The following MUC3A variants were observed in gnomAD, a reference collection of about 807,000 sequenced individuals.
MUC3A encodes mucin-3A.
A neutral mutation model predicts 109.0 loss-of-function variants in MUC3A; 109 were observed. The observed-to-expected ratio is 1.00, with a 90% CI of 0.86 to 1.17. The LOEUF (loss-of-function observed/expected upper bound fraction) is 1.17. Among genes scored for constraint, MUC3A ranks in the 50% most tolerant of loss-of-function variants. MUC3A has a pLI of 0.00. For synonymous variants in MUC3A, 1,398 were observed against 981.4 expected (o/e 1.42, Z -7.93); for missense variants, 3,537 against 2,469.4 (o/e 1.43, Z -9.16).
rs186637471 is a variant in MUC3A, at chr7:100,963,205, C to T, written c.9107C>T (p.Pro3036Leu). ...MEVSVDQQFS[P>L]DLNDNTSQAY... ...GTGTCTGTGGATCAGCAGTTCTCGC[C>T]GGACCTCAATGACAACACTTCCCAG... Residue 3036 changes from proline (P) to leucine (L), a missense_variant, in exon 4 of 12, where the codon CCG becomes CTG. By Grantham distance (98) the Pro-to-Leu change is moderately conservative. Transcript: ENST00000379458. 7.1e-3 allele frequency: 11,315 copies of T among 1,588,306 alleles called. No homozygotes were observed. The highest frequency in any genetic ancestry group is 8.5e-3 in the Non-Finnish European group (9,937 of 1,171,102).
In MUC3A at chr7:100,955,582, G is replaced by A. The variant is rs1792076246; in HGVS notation, c.3803G>A (p.Ser1268Asn). 4.0e-6 allele frequency: 2 copies of A among 504,694 alleles called. No homozygotes were observed. Among genetic ancestry groups the A allele is most frequent in the African/African-American group, 2.0e-5 (1 of 50,870 alleles). 31.3% of individuals were successfully genotyped at this position (504,694 alleles called of 1,614,324 possible). ...CCCAGTTTGAGACCAACTATCACAAGTACTGACAGCACTCTAACAAGTTCC... is the reference window on the plus strand; with the variant it reads ...CCCAGTTTGAGACCAACTATCACAAATACTGACAGCACTCTAACAAGTTCC... ...TTPSLRPTIT[S>N]TDSTLTSSLL... Residue 1268 changes from serine (S) to asparagine (N), a missense_variant, in exon 2 of 12, where the codon AGT (serine) becomes AAT (asparagine). Transcript: ENST00000379458.
Position 100,960,500 on chromosome 7 carries a change from C to A in MUC3A, c.8721C>A (p.Ser2907Arg). ...TCCCGACCATCCTGAGGACTTCAAG[C>A]AAGTCAACACACCCCTCCCCACCCA... ...SSLPTILRTS[S>R]KSTHPSPPTT... is the part of the protein sequence containing the mutation. Residue 2907 changes from serine to arginine, a missense_variant, in exon 2 of 12, where the codon AGC (serine) becomes AGA (arginine). Coordinates refer to ENST00000379458, the MANE Select transcript of MUC3A (RefSeq NM_005960.2). 18 of 1,598,702 alleles carry A rather than the reference C, an allele frequency of 1.1e-5. No homozygotes were observed. The highest frequency in any genetic ancestry group is 1.4e-5 in the Non-Finnish European group (17 of 1,179,822).
At chr7:100,961,057 C>T (rs1792311004) in intron 3 of MUC3A, 120 bp downstream of exon 3, 7 of 1,551,092 alleles carry the variant, frequency 4.5e-6, no homozygotes, top group East Asian at 2.3e-5. Context: ...TCCTTCCCTC[C>T]CTGCCATCTC....
rs1176349678 is a variant in MUC3A, at chr7:100,957,063, C to T, written c.5284C>T (p.Pro1762Ser). 2.1e-6 allele frequency: 1 copy of T among 469,324 alleles called. No individual in the cohort carries two copies. Among genetic ancestry groups the T allele is most frequent in the Non-Finnish European group, 3.7e-6 (1 of 267,000 alleles). 29.1% of individuals were successfully genotyped at this position (469,324 alleles called of 1,614,324 possible). A position where few individuals can be genotyped will look rare whatever the true frequency, so the allele number is the denominator to read the frequency against. Residue 1762 changes from proline to serine, a missense_variant, in exon 2 of 12, where the codon CCC (proline) becomes TCC (serine). Coordinates refer to ENST00000379458, the MANE Select transcript of MUC3A (RefSeq NM_005960.2). ...CAAAACAGCCGTGAGTTCTACTCCCCCCATCACTTCTTCAATCACCTCCAC... is the reference window on the plus strand; with the variant it reads ...CAAAACAGCCGTGAGTTCTACTCCCTCCATCACTTCTTCAATCACCTCCAC... ...SFKTAVSSTP[P>S]ITSSITSTYT...
intron 3 of MUC3A, among the ~76,000 whole-genome samples, chr7:100,961,242 A>G (rs1444539368): frequency 1.3e-5 from 2 of 152,422 alleles, no homozygotes; most frequent in East Asian, 3.9e-4. Context: ...ACAACACGAC[A>G]TTATCATGTT....
chr7:100,966,067 TGTC>T, intron 8 of MUC3A: 1 of 655,918 alleles, frequency 1.5e-6, no homozygotes, highest in South Asian at 2.8e-5. Context: ...GGTTGAGTCC[TGTC>T]CCCTAATTCT....
At position 100,959,525 on chromosome 7, in the gene MUC3A, T is replaced by C. The variant is rs747674451; in HGVS notation, c.7746T>C (p.Pro2582=). The change falls in exon 2 of 12, where the codon CCT becomes CCC. Residue 2582 remains proline (P), a synonymous_variant. Transcript: ENST00000379458. The part of the protein sequence containing the change: ...VIPETPTQTP[P]VLTSATGTQT... ...CTGAAACCCCAACACAGACCCCTCC[T>C]GTACTGACGTCAGCCACTGGGACCC... 1.3e-6 allele frequency: 2 copies of C among 1,590,710 alleles called. No individual in the cohort carries two copies. Among genetic ancestry groups the C allele is most frequent in the South Asian group, 2.2e-5 (2 of 89,196 alleles).
chr7:100,963,286 G>GTT lies in MUC3A; in HGVS notation c.9168+20_9168+21insTT. The GTT allele has an allele frequency of 1.3e-6, 2 of 1,494,772 alleles. No individual in the cohort carries two copies. Among genetic ancestry groups the GTT allele is most frequent in the Non-Finnish European group, 1.8e-6 (2 of 1,120,412 alleles). 92.6% of individuals were successfully genotyped at this position (1,494,772 alleles called of 1,614,324 possible). A position where few individuals can be genotyped will look rare whatever the true frequency, so the allele number is the denominator to read the frequency against. On this transcript the variant is annotated intron_variant, in intron 4 of 11. Transcript: ENST00000379458. ...AATCAGGTAAAGGGCAAAGAGAGGG[G>GTT]ATTTTTTTTTTTTTTTTGAGGTGTA... is the stretch of plus-strand genomic sequence containing the variant.
rs1481350245 is a variant in MUC3A at position 100,957,426 on chromosome 7, G to A, written c.5647G>A (p.Val1883Ile). 1 of 787,138 alleles carries A rather than the reference G, an allele frequency of 1.3e-6. No homozygotes were observed. Among genetic ancestry groups the A allele is most frequent in the East Asian group, 3.2e-5 (1 of 31,328 alleles). The allele number at this position is 787,138 out of a possible 1,614,324, so 48.8% of individuals were successfully genotyped here. A position where few individuals can be genotyped will look rare whatever the true frequency, so the allele number is the denominator to read the frequency against. The change falls in exon 2 of 12, where the codon GTA becomes ATA. Residue 1883 changes from valine to isoleucine, a missense_variant. Coordinates refer to ENST00000379458, the MANE Select transcript of MUC3A (RefSeq NM_005960.2). ...CACCTCTTCCTCTCTCCTCACCACA[G>A]TAACAGCCACAGTTCCAACAACAAA... is the stretch of plus-strand genomic sequence containing the variant. ...RPTSSSLLTT[V>I]TATVPTTNLV... is the part of the protein sequence containing the mutation.
Position 100,958,914 on chromosome 7 carries a change from A to T in MUC3A, c.7135A>T (p.Ile2379Phe), listed in dbSNP as rs747408530. Residue 2379 changes from isoleucine to phenylalanine, a missense_variant, in exon 2 of 12, where the codon ATC becomes TTC. Coordinates refer to ENST00000379458, the MANE Select transcript of MUC3A (RefSeq NM_005960.2). ...SHSTPSFSSS[I>F]TTTETPLHST... ...CAGTACTCCCAGCTTCAGTTCTTCA[A>T]TCACCACCACTGAGACCCCCTTACA... is the stretch of plus-strand genomic sequence containing the variant. 6.3e-7 allele frequency: 1 copy of T among 1,594,130 alleles called. No individual in the cohort carries two copies. The highest frequency in any genetic ancestry group is 8.5e-7 in the Non-Finnish European group (1 of 1,177,336).
intron 10 of MUC3A, 43 bp downstream of exon 10, chr7:100,966,786 G>A: frequency 6.3e-7 from 1 of 1,598,464 alleles, no homozygotes; most frequent in South Asian, 1.1e-5. Flanking sequence ...GCTTTCCTGG[G>A]CACCACTGCG....
intron 4 of MUC3A, 148 bp from the exon 5 acceptor site, chr7:100,963,540 C>T (rs1584810247): frequency 8.0e-7 from 1 of 1,249,168 alleles, no homozygotes; most frequent in South Asian, 1.3e-5. Context: ...CTGCCTCGTC[C>T]TCCCAAAGTG....
At chr7:100,966,768 A>C (rs1792585508) in intron 10 of MUC3A, 25 bp downstream of exon 10, 1 of 1,598,540 alleles carries the variant, frequency 6.3e-7, no homozygotes. Context: ...CTGGGGAAGC[A>C]GGCAGAGGCT....
chr7:100,963,738 G>C lies in MUC3A; in HGVS notation c.9219G>C (p.Glu3073Asp). 6.3e-7 allele frequency: 1 copy of C among 1,598,560 alleles called. No homozygotes were observed. Among genetic ancestry groups the C allele is most frequent in the Non-Finnish European group, 8.5e-7 (1 of 1,179,830 alleles). Residue 3073 changes from glutamate to aspartate, a missense_variant, in exon 5 of 12, where the codon GAG becomes GAC. Transcript: ENST00000379458. ...AGGGCTTCACCTTCAAGGGTGTGGA[G>C]ATCCTGTCCCTGAGGTAGGAGACCC... is the stretch of plus-strand genomic sequence containing the variant. ...DMQGFTFKGV[E>D]ILSLRNGSIV...
chr7:100,957,646 C>T lies in MUC3A; in HGVS notation c.5867C>T (p.Pro1956Leu). Residue 1956 changes from proline (P) to leucine (L), a missense_variant, in exon 2 of 12, where the codon CCC (proline) becomes CTC (leucine). By Grantham distance (98) the Pro-to-Leu change is moderately conservative. Coordinates refer to ENST00000379458, the MANE Select transcript of MUC3A (RefSeq NM_005960.2). ...ACCAAGACCACCTCACACAGCTCTC[C>T]CAGCTTCACTTCTTCGATCACCACC... ...TNTKTTSHSS[P>L]SFTSSITTTE... The T allele has an allele frequency of 6.3e-7, 1 of 1,583,338 alleles. No homozygotes were observed. The highest frequency in any genetic ancestry group is 8.6e-7 in the Non-Finnish European group (1 of 1,166,722).
At position 100,959,824 on chromosome 7, in the gene MUC3A, G is replaced by A. The variant is rs776284550; in HGVS notation, c.8045G>A (p.Trp2682Ter). 5.7e-6 allele frequency: 9 copies of A among 1,582,602 alleles called. No individual in the cohort carries two copies. In the South Asian group the frequency reaches 8.1e-5, roughly 14 times the overall value. The change falls in exon 2 of 12, where the codon TGG (tryptophan) becomes TAG (stop). Residue 2682 changes from tryptophan to a stop codon, truncating the protein, a stop_gained. Transcript: ENST00000379458. LOFTEE classifies it high-confidence loss of function. The stretch of plus-strand genomic sequence containing the variant: ...TTGACTTCTTTTAGTACCATCATCT[G>A]GTCCTCAACACCCACTATTATCATG... ...AILTSFSTII[W>*]SSTPTIIMSS...
Position 100,951,977 on chromosome 7 carries a change from T to A in MUC3A, c.198T>A (p.Pro66=), listed in dbSNP as rs1791957368. ...WPLGVPQLAS[P]APGHRENAPM... The stretch of plus-strand genomic sequence containing the variant: ...TTGGTGTCCCCCAGCTCGCCTCTCC[T>A]GCTCCTGGCCACAGGGAAAATGCAC... The change falls in exon 2 of 12, where the codon CCT becomes CCA. Residue 66 remains proline, a synonymous_variant. Coordinates refer to ENST00000379458, the MANE Select transcript of MUC3A (RefSeq NM_005960.2). 3 of 1,598,552 alleles carry A rather than the reference T, an allele frequency of 1.9e-6. No individual in the cohort carries two copies. The highest frequency in any genetic ancestry group is 1.7e-6 in the Non-Finnish European group (2 of 1,179,822).
At chr7:100,961,006 C>G (rs572365551) in intron 3 of MUC3A, 69 bp downstream of exon 3, 2 of 1,595,100 alleles carry the variant, frequency 1.3e-6, no homozygotes, top group Non-Finnish European at 1.7e-6. Flanking sequence ...CCAGACTTAT[C>G]CCTCTGTGGG....
chr7:100,950,951 T>A (rs1791920054), intron 1 of MUC3A, among the ~76,000 whole-genome samples: 1 of 152,288 alleles, frequency 6.6e-6, no homozygotes, highest in South Asian at 2.1e-4. Context: ...CCCTTTGAAG[T>A]CATTAGTGTG....
Sources: allele counts gnomAD v4.1 joint callset (sites outside exome capture counted in the v4.1 genomes callset), GRCh38; gene constraint gnomAD v4.1.1; transcripts MANE v1.5; gene names NCBI Gene and HGNC (gene_info 2026-07-23, HGNC 2026-07-21).